WWOX: variants seen among roughly 807,000 people sequenced by gnomAD.
WWOX encodes WW domain containing oxidoreductase.
Under a neutral mutation model 46.2 loss-of-function variants are expected in WWOX, and 69 were observed. The observed-to-expected ratio is 1.49, with a 90% CI of 1.23 to 1.82. The LOEUF is 1.82. Ranked by LOEUF, WWOX falls within the 40% of genes most tolerant of loss-of-function variation. WWOX has a pLI of 0.00. For synonymous variants in WWOX, 359 were observed against 202.6 expected (o/e 1.77, Z -6.56); for missense variants, 919 against 542.6 (o/e 1.69, Z -6.89).
intron 5 of WWOX, among the ~76,000 whole-genome samples, chr16:78,292,316 A>T (rs1597449816): frequency 1.3e-5 from 2 of 152,178 alleles, no homozygotes; most frequent in African/African-American, 2.4e-5. Context: ...GAATACGTCA[A>T]AGTGATGAGT....
At chr16:78,368,556 AG>A (rs2081592702) in intron 5 of WWOX, among the ~76,000 whole-genome samples, 1 of 152,326 alleles carries the variant, frequency 6.6e-6, no homozygotes, top group Admixed American at 6.5e-5. Flanking sequence ...CCTCAAACCA[AG>A]GAGAAAAAGG....
intron 8 of WWOX, among the ~76,000 whole-genome samples, chr16:78,678,594 A>G (rs1459307852): frequency 1.3e-5 from 2 of 152,168 alleles, no homozygotes; most frequent in Non-Finnish European, 1.5e-5. Context: ...AAAGAACTAC[A>G]ATAGGCATAG....
intron 8 of WWOX, among the ~76,000 whole-genome samples, chr16:78,645,075 A>G (rs2046807909): frequency 6.6e-6 from 1 of 152,166 alleles, no homozygotes; most frequent in Non-Finnish European, 1.5e-5. Flanking sequence ...AGTTCTTTAA[A>G]TTCTTCTCTA....
At chr16:78,825,783 C>G in intron 8 of WWOX, 2 of 592,152 alleles carry the variant, frequency 3.4e-6, no homozygotes, top group Non-Finnish European at 6.3e-6. Flanking sequence ...TACATTGATG[C>G]TGTTGTGTGC....
intron 8 of WWOX, among the ~76,000 whole-genome samples, chr16:79,036,089 C>T (rs1306997712): frequency 6.6e-6 from 1 of 152,214 alleles, no homozygotes; most frequent in East Asian, 1.9e-4. Context: ...CCTGCTCTCT[C>T]CATTTCTCAT....
rs190105405 is a variant in WWOX, at chr16:78,223,236, T to C, written c.516+58947T>C. ...GTCTGGAGATATTTGGGTTGTCATA[T>C]CTTGGAGGAGAATAGGCTGCTATTA... is the stretch of plus-strand genomic sequence containing the variant. On this transcript the variant is annotated intron_variant, in intron 5 of 8. Coordinates refer to ENST00000566780, the MANE Select transcript of WWOX (RefSeq NM_016373.4). Among the ~76,000 whole-genome samples, 73 of 152,258 alleles carry C rather than the reference T, an allele frequency of 4.8e-4. 1 individual carries two copies. Among genetic ancestry groups the C allele is most frequent in the African/African-American group, 1.7e-3 (69 of 41,558 alleles).
chr16:78,408,690 C>T (rs780824077), intron 6 of WWOX, among the ~76,000 whole-genome samples: 1 of 152,144 alleles, frequency 6.6e-6, no homozygotes, highest in African/African-American at 2.4e-5. Flanking sequence ...CTTGGGTAAG[C>T]ATGCAAGAAG....
intron 5 of WWOX, among the ~76,000 whole-genome samples, chr16:78,385,880 A>G (rs2082049568): frequency 6.6e-6 from 1 of 152,240 alleles, no homozygotes; most frequent in Non-Finnish European, 1.5e-5. Context: ...AAGAAGTGAT[A>G]GTATTTAATC....
intron 8 of WWOX, among the ~76,000 whole-genome samples, chr16:79,046,899 C>T (rs749157587): frequency 6.6e-5 from 10 of 152,280 alleles, no homozygotes; most frequent in South Asian, 2.1e-4. Flanking sequence ...ATTCCTAATA[C>T]GATTGGTTAC....
intron 8 of WWOX, among the ~76,000 whole-genome samples, chr16:78,461,441 A>T (rs923097286): frequency 6.6e-5 from 10 of 152,256 alleles, no homozygotes; most frequent in African/African-American, 2.4e-4. Flanking sequence ...AATTCTGGGC[A>T]TGAGAAACCC....
At chr16:78,994,137 G>A (rs2046942275) in intron 8 of WWOX, among the ~76,000 whole-genome samples, 1 of 152,162 alleles carries the variant, frequency 6.6e-6, no homozygotes, top group Non-Finnish European at 1.5e-5. Context: ...AACCATCCGA[G>A]GGAAATTAAT....
At chr16:79,203,100 A>G (rs2150834633) in intron 8 of WWOX, 1 of 152,296 alleles carries the variant, frequency 6.6e-6, no homozygotes, top group South Asian at 2.1e-4. Context: ...ATCATTTCCT[A>G]CTAACTAGCA....
intron 5 of WWOX, among the ~76,000 whole-genome samples, chr16:78,335,883 G>T (rs1375983570): frequency 1.3e-5 from 2 of 152,098 alleles, no homozygotes; most frequent in Non-Finnish European, 2.9e-5. Flanking sequence ...CTTGAGGCCA[G>T]GAGTTTGAGA....
chr16:78,461,178 A>G (rs1346003599), intron 8 of WWOX, among the ~76,000 whole-genome samples: 1 of 152,184 alleles, frequency 6.6e-6, no homozygotes, highest in Non-Finnish European at 1.5e-5. Context: ...CTATCCATGA[A>G]TTGTGGCCTT....
chr16:78,256,037 C>G (rs1197170468), intron 5 of WWOX, among the ~76,000 whole-genome samples: 2 of 150,302 alleles, frequency 1.3e-5, no homozygotes, highest in African/African-American at 4.9e-5. Context: ...GTAGTCCCAG[C>G]TGCTCAGGAG....
intron 5 of WWOX, among the ~76,000 whole-genome samples, chr16:78,337,132 T>C (rs1002943203): frequency 3.3e-5 from 5 of 152,106 alleles, no homozygotes; most frequent in African/African-American, 2.4e-5. Context: ...TTTTAAACAC[T>C]CTGCAGTTCA....
chr16:78,950,306 T>C (rs1156285795), intron 8 of WWOX, among the ~76,000 whole-genome samples: 1 of 152,074 alleles, frequency 6.6e-6, no homozygotes, highest in Non-Finnish European at 1.5e-5. Flanking sequence ...AGTCAGTCGA[T>C]GGTTATTTCC....
intron 8 of WWOX, among the ~76,000 whole-genome samples, chr16:79,155,805 T>C (rs11864641): frequency 0.15 from 23,041 of 151,936 alleles, 2,502 homozygotes; most frequent in African/African-American, 0.3. Context: ...TTTTCCCTTG[T>C]CTTATACCAG....
At chr16:78,809,134 GC>G (rs1297100006) in intron 8 of WWOX, among the ~76,000 whole-genome samples, 1 of 151,832 alleles carries the variant, frequency 6.6e-6, no homozygotes, top group Non-Finnish European at 1.5e-5. Context: ...TTCTCCCCCT[GC>G]ACCCTTCTCA....
Sources: gnomAD v4.1 joint callset for allele counts (sites outside exome capture counted in the v4.1 genomes callset) on GRCh38, gnomAD v4.1.1 for gene constraint, MANE v1.5 for transcripts, NCBI Gene and HGNC (gene_info 2026-07-23, HGNC 2026-07-21) for gene names.